FMNL2: variants seen among roughly 807,000 people sequenced by gnomAD.
FMNL2 encodes formin-like protein 2.
A neutral mutation model predicts 130.2 loss-of-function variants in FMNL2; 51 were observed. The observed-to-expected ratio is 0.39, with a 90% confidence interval of 0.31 to 0.49. FMNL2 has a LOEUF of 0.49. Ranked by LOEUF, FMNL2 falls within the 20% of genes least tolerant of loss-of-function variation. The pLI, the probability that FMNL2 is intolerant of heterozygous loss-of-function variation, is 0.85. For synonymous variants in FMNL2, 465 were observed against 467.1 expected (o/e 1.00, Z 0.06); for missense variants, 977 against 1,316.2 (o/e 0.74, Z 3.99).
chr2:152,352,963 T>TA (rs529920483), intron 1 of FMNL2, among the ~76,000 whole-genome samples: 1 of 152,090 alleles, frequency 6.6e-6, no homozygotes, highest in Non-Finnish European at 1.5e-5. Flanking sequence ...TGCTTATTTT[T>TA]AAAAAAACAA....
intron 6 of FMNL2, among the ~76,000 whole-genome samples, chr2:152,574,511 A>T (rs1696367684): frequency 6.6e-6 from 1 of 152,142 alleles, no homozygotes; most frequent in Non-Finnish European, 1.5e-5. Flanking sequence ...AACTGTATTA[A>T]TATTTCAAAG....
intron 9 of FMNL2, among the ~76,000 whole-genome samples, chr2:152,585,490 C>T (rs1558984206): frequency 6.6e-6 from 1 of 152,110 alleles, no homozygotes; most frequent in East Asian, 1.9e-4. Flanking sequence ...GACTCTAACA[C>T]ATAGAGGAAA....
chr2:152,399,671 T>G (rs140525969), intron 1 of FMNL2, among the ~76,000 whole-genome samples: 1 of 152,278 alleles, frequency 6.6e-6, no homozygotes, highest in African/African-American at 2.4e-5. Flanking sequence ...TGGATTAGGT[T>G]ATTTAGACTT....
At chr2:152,443,442 T>G (rs918766861) in intron 1 of FMNL2, among the ~76,000 whole-genome samples, 3 of 152,086 alleles carry the variant, frequency 2.0e-5, no homozygotes, top group African/African-American at 7.2e-5. Flanking sequence ...GGGTCACAAC[T>G]CATTAAGGGA....
chr2:152,456,203 A>AT (rs1484094497), intron 1 of FMNL2, among the ~76,000 whole-genome samples: 22 of 152,190 alleles, frequency 1.4e-4, no homozygotes, highest in Admixed American at 9.8e-4. Flanking sequence ...TTTTGATCAA[A>AT]TTTTCTTTCC....
chr2:152,490,620 A>G (rs1177840457), intron 1 of FMNL2, among the ~76,000 whole-genome samples: 2 of 59,424 alleles, frequency 3.4e-5, no homozygotes, highest in South Asian at 5.9e-4. Flanking sequence ...TGTGTGTTGG[A>G]TAAACTTAAA....
At chr2:152,442,168 C>T (rs1353540184) in intron 1 of FMNL2, among the ~76,000 whole-genome samples, 3 of 152,118 alleles carry the variant, frequency 2.0e-5, no homozygotes, top group Non-Finnish European at 4.4e-5. Flanking sequence ...CTCAGCGTCA[C>T]CTACTGGTCC....
At chr2:152,492,879 CT>C (rs1448187011) in intron 1 of FMNL2, among the ~76,000 whole-genome samples, 11 of 151,364 alleles carry the variant, frequency 7.3e-5, no homozygotes, top group South Asian at 2.1e-4. Context: ...TATATTATTA[CT>C]TTTTTTTTCT....
chr2:152,477,659 G>T (rs150527074), intron 1 of FMNL2, among the ~76,000 whole-genome samples: 1 of 152,212 alleles, frequency 6.6e-6, no homozygotes, highest in Non-Finnish European at 1.5e-5. Context: ...ATACAAATAG[G>T]TGAGGTTCTT....
chr2:152,510,988 A>T (rs1043425922), intron 1 of FMNL2, among the ~76,000 whole-genome samples: 1 of 152,068 alleles, frequency 6.6e-6, no homozygotes, highest in Non-Finnish European at 1.5e-5. Flanking sequence ...TTTATTTTTA[A>T]TTTTTTTGGT....
intron 4 of FMNL2, among the ~76,000 whole-genome samples, chr2:152,555,643 A>G (rs748047447): frequency 1.3e-5 from 2 of 152,170 alleles, no homozygotes; most frequent in Non-Finnish European, 2.9e-5. Context: ...TTCCAGAGCT[A>G]TTTGTCATTG....
At chr2:152,373,916 G>T (rs530024897) in intron 1 of FMNL2, among the ~76,000 whole-genome samples, 1 of 151,880 alleles carries the variant, frequency 6.6e-6, no homozygotes, top group African/African-American at 2.4e-5. Context: ...ATGGTTGAAG[G>T]TTTTTTGGCT....
intron 1 of FMNL2, among the ~76,000 whole-genome samples, chr2:152,412,439 G>GTA (rs1686337742): frequency 9.3e-6 from 1 of 108,104 alleles, no homozygotes; most frequent in Non-Finnish European, 1.7e-5. Context: ...ACTTTCTTCT[G>GTA]TATATTTTAT....
At chr2:152,427,140 A>C (rs1336000841) in intron 1 of FMNL2, among the ~76,000 whole-genome samples, 1 of 152,258 alleles carries the variant, frequency 6.6e-6, no homozygotes, top group African/African-American at 2.4e-5. Context: ...ATTAGGTCCC[A>C]AACTAGCATA....
Position 152,549,090 on chromosome 2 carries a change from C to T in FMNL2, c.352C>T (p.His118Tyr). Residue 118 changes from histidine to tyrosine, a missense_variant, in exon 4 of 26, where the codon CAC becomes TAC. Around this residue, in one of 4 missense-constraint regions of FMNL2, gnomAD observed 3 missense variants for 16.6 expected, o/e 0.18. Transcript: ENST00000288670. ...RELEISLRTNHIGWVREFLNE... is the reference protein window; with the variant it reads ...RELEISLRTNYIGWVREFLNE... Reference sequence around the variant, plus strand: ...ACTGGAAATTTCTTTGAGAACTAACCACATTGGGTAAGTATACCCCTTTAA... The same window carrying T: ...ACTGGAAATTTCTTTGAGAACTAACTACATTGGGTAAGTATACCCCTTTAA... 1.9e-6 allele frequency: 3 copies of T among 1,605,726 alleles called. No individual in the cohort carries two copies. The highest frequency in any genetic ancestry group is 2.6e-6 in the Non-Finnish European group (3 of 1,175,860).
At chr2:152,368,371 C>T (rs1188685061) in intron 1 of FMNL2, among the ~76,000 whole-genome samples, 1 of 152,038 alleles carries the variant, frequency 6.6e-6, no homozygotes, top group Non-Finnish European at 1.5e-5. Context: ...ATACTCTTAT[C>T]AGAGTGTGGT....
At chr2:152,450,515 T>G (rs539018749) in intron 1 of FMNL2, among the ~76,000 whole-genome samples, 1 of 152,366 alleles carries the variant, frequency 6.6e-6, no homozygotes, top group East Asian at 1.9e-4. Context: ...CTGATTTTAA[T>G]TAGATTGTTT....
chr2:152,637,690 C>G lies in FMNL2; in HGVS notation c.2946+16C>G. 1 of 1,606,112 alleles carries G rather than the reference C, an allele frequency of 6.2e-7. No individual in the cohort carries two copies. Among genetic ancestry groups the G allele is most frequent in the East Asian group, 2.2e-5 (1 of 44,850 alleles). ...AGCATATAAGGTATATGTTAAGGCC[C>G]TCCTTGCCCTTATTTCTCAAGCAAT... On this transcript the variant is annotated intron_variant, in intron 23 of 25. Coordinates refer to ENST00000288670, the MANE Select transcript of FMNL2 (RefSeq NM_052905.4).
At chr2:152,527,457 G>C (rs1282252172) in intron 2 of FMNL2, among the ~76,000 whole-genome samples, 1 of 152,104 alleles carries the variant, frequency 6.6e-6, no homozygotes, top group African/African-American at 2.4e-5. Context: ...ACTGGAAAAA[G>C]ATTATTTTCT....
Sources: gnomAD v4.1 joint callset for allele counts (sites outside exome capture counted in the v4.1 genomes callset) on GRCh38, gnomAD v4.1.1 for gene constraint, gnomAD v4.1.1 regional missense constraint, MANE v1.5 for transcripts, NCBI Gene and HGNC (gene_info 2026-07-23, HGNC 2026-07-21) for gene names.